CDC42EP4: variants seen among roughly 807,000 people sequenced by gnomAD.
CDC42EP4 encodes the protein CDC42 effector protein 4, also known as CDC42 effector protein (Rho GTPase binding) 4.
CDC42EP4 carries 6 observed loss-of-function variants against 5.6 expected under a neutral mutation model. That is an observed-to-expected ratio of 1.07 (90% CI 0.59 to 2.12). CDC42EP4 has a LOEUF of 2.12. CDC42EP4 is among the 30% of genes most tolerant of loss of function. The pLI, the probability that CDC42EP4 is intolerant of heterozygous loss-of-function variation, is 0.00. For missense variants in CDC42EP4, 490 were observed against 508.6 expected (o/e 0.96, Z 0.35); for synonymous variants, 230 against 224.2 (o/e 1.03, Z -0.23).
At position 73,309,038 on chromosome 17, in the gene CDC42EP4, CAAAA is replaced by C. The variant is rs57714877; in HGVS notation, c.-113+2851_-113+2854del. Among the ~76,000 whole-genome samples, 222 of 34,034 alleles carry C rather than the reference CAAAA, an allele frequency of 6.5e-3. 11 individuals are homozygous for C. The East Asian group carries it at 0.18, about 28-fold the overall frequency. The allele number at this position is 34,034 out of a possible 152,430, so 22.3% of individuals were successfully genotyped here. ...GGGCAACAGAGCAAAGCTCTGTCTC[CAAAA>C]AAAAAAAAAAAAAAAAGGGTTGGCC... On this transcript the variant is annotated intron_variant, in intron 1 of 1. Coordinates refer to ENST00000335793, the MANE Select transcript of CDC42EP4 (RefSeq NM_012121.5).
At chr17:73,298,305 G>C (rs930876246) in intron 1 of CDC42EP4, among the ~76,000 whole-genome samples, 1 of 152,150 alleles carries the variant, frequency 6.6e-6, no homozygotes, top group Admixed American at 6.6e-5. Flanking sequence ...TGACATCAGG[G>C]GGCACAGGGA....
chr17:73,298,643 G>A (rs535303765), intron 1 of CDC42EP4, among the ~76,000 whole-genome samples: 54 of 152,352 alleles, frequency 3.5e-4, no homozygotes, highest in African/African-American at 1.1e-3. Context: ...TGACCGCCAA[G>A]CTGTGTGCAG....
At chr17:73,289,330 T>C (rs1266029652) in intron 1 of CDC42EP4, among the ~76,000 whole-genome samples, 1 of 152,026 alleles carries the variant, frequency 6.6e-6, no homozygotes, top group Non-Finnish European at 1.5e-5. Context: ...AGACCCCATC[T>C]CTACACAAAA....
At position 73,283,879 on chromosome 17, in the gene CDC42EP4, CCACAGTCGCCAT is replaced by C. The variant is rs2062115401; in HGVS notation, c.*1539_*1550del. The C allele has an allele frequency of 1.3e-5, 2 of 152,260 alleles. No individual in the cohort carries two copies. Among genetic ancestry groups the C allele is most frequent in the South Asian group, 2.1e-4 (1 of 4,830 alleles). 9.4% of individuals were successfully genotyped at this position (152,260 alleles called of 1,614,324 possible). On this transcript the variant is annotated 3_prime_UTR_variant, in exon 2 of 2. Coordinates refer to ENST00000335793, the MANE Select transcript of CDC42EP4 (RefSeq NM_012121.5). ...GTCAGGCAAGAGAGGAGGGGCCGGG[CCACAGTCGCCAT>C]GGGGACGCCCCTGGCTGTGGTTGGT...
chr17:73,295,872 T>G (rs1390154698), intron 1 of CDC42EP4, among the ~76,000 whole-genome samples: 4 of 139,688 alleles, frequency 2.9e-5, no homozygotes, highest in Non-Finnish European at 6.1e-5. Flanking sequence ...GCCATTGCAC[T>G]CCAGCCCAGG....
intron 1 of CDC42EP4, among the ~76,000 whole-genome samples, chr17:73,298,011 A>AAAAAC (rs145180095): frequency 6.8e-6 from 1 of 146,132 alleles, no homozygotes; most frequent in Non-Finnish European, 1.5e-5. Context: ...AAAAAAAAAA[A>AAAAAC]CCCAAAGTAT....
In CDC42EP4 at chr17:73,309,038, CAAAAA is replaced by C. The variant is rs57714877; in HGVS notation, c.-113+2850_-113+2854del. Among the ~76,000 whole-genome samples, 52 of 34,012 alleles carry C rather than the reference CAAAAA, an allele frequency of 1.5e-3. 1 individual carries two copies. The highest frequency in any genetic ancestry group is 4.6e-3 in the African/African-American group (39 of 8,404). 22.3% of individuals were successfully genotyped at this position (34,012 alleles called of 152,430 possible). ...GGGCAACAGAGCAAAGCTCTGTCTC[CAAAAA>C]AAAAAAAAAAAAAAAGGGTTGGCCA... On this transcript the variant is annotated intron_variant, in intron 1 of 1. Transcript: ENST00000335793.
At chr17:73,294,761 C>T (rs188277965) in intron 1 of CDC42EP4, among the ~76,000 whole-genome samples, 61 of 152,266 alleles carry the variant, frequency 4.0e-4, no homozygotes, top group African/African-American at 1.4e-3. Flanking sequence ...CACACACACG[C>T]ATGTGCACAA....
At position 73,285,357 on chromosome 17, in the gene CDC42EP4, T is replaced by C; in HGVS notation, c.*73A>G. 7.9e-7 allele frequency: 1 copy of C among 1,265,136 alleles called. No homozygotes were observed. Among genetic ancestry groups the C allele is most frequent in the Non-Finnish European group, 1.1e-6 (1 of 905,792 alleles). 78.4% of individuals were successfully genotyped at this position (1,265,136 alleles called of 1,614,324 possible). ...TCCTGGCTGCCCCTGCGCCGTAGGG[T>C]CAAAGGTCATAGTGGGGTGGGGGCA... On this transcript the variant is annotated 3_prime_UTR_variant, in exon 2 of 2. Transcript: ENST00000335793. This position sits in a 1 kb window ranked among gnomAD's most constrained non-coding sequence, Gnocchi z 6.8.
intron 1 of CDC42EP4, among the ~76,000 whole-genome samples, chr17:73,288,644 G>T (rs766663078): frequency 6.6e-6 from 1 of 151,502 alleles, no homozygotes; most frequent in Admixed American, 6.6e-5. Flanking sequence ...GCCTCCAACC[G>T]CCTCCAAGCA....
intron 1 of CDC42EP4, chr17:73,307,447 C>CTTTTTTT (rs398031541): frequency 2.3e-5 from 3 of 132,748 alleles, no homozygotes; most frequent in African/African-American, 8.3e-5. Flanking sequence ...TTCTTTCTTT[C>CTTTTTTT]TTTTTTTTTT....
intron 1 of CDC42EP4, among the ~76,000 whole-genome samples, chr17:73,309,058 A>AAAAAAAAAG (rs1568347273): frequency 6.8e-6 from 1 of 147,058 alleles, no homozygotes; most frequent in African/African-American, 2.5e-5. Context: ...AAAAAAAAAA[A>AAAAAAAAAG]GGGTTGGCCA....
intron 1 of CDC42EP4, among the ~76,000 whole-genome samples, chr17:73,291,692 AC>A (rs71359765): frequency 6.6e-6 from 1 of 151,762 alleles, no homozygotes; most frequent in Non-Finnish European, 1.5e-5. Context: ...TGGGCGGGAC[AC>A]CCCCACCCCA....
intron 1 of CDC42EP4, among the ~76,000 whole-genome samples, chr17:73,296,811 T>A (rs1307441023): frequency 2.0e-5 from 3 of 149,650 alleles, no homozygotes; most frequent in Non-Finnish European, 4.4e-5. Flanking sequence ...TGAAACCCCA[T>A]CTCTACTAAA....
intron 1 of CDC42EP4, among the ~76,000 whole-genome samples, chr17:73,289,765 A>AGG (rs2062152397): frequency 1.7e-5 from 1 of 59,926 alleles, no homozygotes; most frequent in Non-Finnish European, 4.3e-5. Context: ...AAGGGAGGGG[A>AGG]AGGAAAGGAA....
At chr17:73,299,660 A>G (rs1436058841) in intron 1 of CDC42EP4, among the ~76,000 whole-genome samples, 3 of 152,028 alleles carry the variant, frequency 2.0e-5, no homozygotes, top group African/African-American at 7.2e-5. Flanking sequence ...CAGACCTTGG[A>G]GCATGTGATT....
rs762458530 is a variant in CDC42EP4 at position 73,286,561 on chromosome 17, C to T, written c.-61G>A. On this transcript the variant is annotated 5_prime_UTR_variant, in exon 2 of 2. Coordinates refer to ENST00000335793, the MANE Select transcript of CDC42EP4 (RefSeq NM_012121.5). This position sits in a 1 kb window ranked among gnomAD's most constrained non-coding sequence, Gnocchi z 7.7. ...GTAGCCGGCAGGTCTGGGGTCAGATCTGAAGTCCAAGTCCAGTGGGCAGAG... is the reference window on the plus strand; with the variant it reads ...GTAGCCGGCAGGTCTGGGGTCAGATTTGAAGTCCAAGTCCAGTGGGCAGAG... 187 of 1,334,198 alleles carry T rather than the reference C, an allele frequency of 1.4e-4. No homozygotes were observed. The highest frequency in any genetic ancestry group is 1.8e-4 in the Non-Finnish European group (178 of 980,956). 82.6% of individuals were successfully genotyped at this position (1,334,198 alleles called of 1,614,324 possible).
At chr17:73,299,386 T>TGCAC (rs112843367) in intron 1 of CDC42EP4, among the ~76,000 whole-genome samples, 91,345 of 147,842 alleles carry the variant, frequency 0.62, 28,566 homozygotes, top group East Asian at 0.75. Context: ...GCCGAGATCA[T>TGCAC]GCCACTGCAC....
rs1028182483 is a variant in CDC42EP4 at position 73,285,212 on chromosome 17, C to T, written c.*218G>A. 12 of 446,078 alleles carry T rather than the reference C, an allele frequency of 2.7e-5. No homozygotes were observed. The highest frequency in any genetic ancestry group is 7.9e-5 in the African/African-American group (4 of 50,762). The allele number at this position is 446,078 out of a possible 1,614,324, so 27.6% of individuals were successfully genotyped here. The stretch of plus-strand genomic sequence containing the variant: ...TCCCACGCAGCCTAAGTGCAGGGAG[C>T]ATGATGAAGTCAGGCAGCCAGTCGG... On this transcript the variant is annotated 3_prime_UTR_variant, in exon 2 of 2. Transcript: ENST00000335793. This position sits in a 1 kb window ranked among gnomAD's most constrained non-coding sequence, Gnocchi z 6.8.
Sources: gnomAD v4.1 joint callset for allele counts (sites outside exome capture counted in the v4.1 genomes callset) on GRCh38, gnomAD v4.1.1 for gene constraint, Gnocchi (gnomAD v3.1) non-coding constraint, MANE v1.5 for transcripts, NCBI Gene and HGNC (gene_info 2026-07-23, HGNC 2026-07-21) for gene names.